PRKN: variants seen among roughly 807,000 people sequenced by gnomAD.
The protein encoded by PRKN is parkin RBR E3 ubiquitin protein ligase, also known as E3 ubiquitin-protein ligase parkin.
A neutral mutation model predicts 59.5 loss-of-function variants in PRKN; 56 were observed. The ratio of observed to expected loss-of-function variants is 0.94; its 90% CI spans 0.76 to 1.18. The LOEUF (loss-of-function observed/expected upper bound fraction) is 1.18, where lower values mean the gene tolerates loss of function less well. Ranked by LOEUF, PRKN falls within the 50% of genes most tolerant of loss-of-function variation. The pLI is 0.00. For missense variants in PRKN, 657 were observed against 596.4 expected (o/e 1.10, Z -1.06); for synonymous variants, 250 against 222.1 (o/e 1.13, Z -1.12).
In PRKN at chr6:161,744,853, C is replaced by T. The variant is rs371448324; in HGVS notation, c.871+40919G>A. Among the ~76,000 whole-genome samples, 39 of 152,338 alleles carry T rather than the reference C, an allele frequency of 2.6e-4. 1 individual carries two copies. In the South Asian group the frequency reaches 3.9e-3, roughly 15 times the overall value. ...GCATTTGGAATCACTCATTTAATTACGGTGATAGATGCCAGCAGCAGCTCC... is the reference window on the plus strand; with the variant it reads ...GCATTTGGAATCACTCATTTAATTATGGTGATAGATGCCAGCAGCAGCTCC... On this transcript the variant is annotated intron_variant, in intron 7 of 11. Coordinates refer to ENST00000366898, the MANE Select transcript of PRKN (RefSeq NM_004562.3).
In PRKN at chr6:161,359,932, A is replaced by G. The variant is rs371251606; in HGVS notation, c.1285+156T>C. On this transcript the variant is annotated intron_variant, in intron 11 of 11. Coordinates refer to ENST00000366898, the MANE Select transcript of PRKN (RefSeq NM_004562.3). This position sits in a 1 kb window ranked among gnomAD's most constrained non-coding sequence, Gnocchi z 5.4. ...TAAATATTTCTGTGTAACAAAAACA[A>G]TAATAATAGTGATAATGGGTAACAT... is the stretch of plus-strand genomic sequence containing the variant. Among the ~76,000 whole-genome samples, 8 of 152,352 alleles carry G rather than the reference A, an allele frequency of 5.3e-5. No homozygotes were observed. The East Asian group carries it at 9.7e-4, about 18-fold the overall frequency.
chr6:162,310,543 A>G (rs1328991992), intron 2 of PRKN, among the ~76,000 whole-genome samples: 2 of 151,536 alleles, frequency 1.3e-5, no homozygotes, highest in East Asian at 3.9e-4. Context: ...GACCTCCAGA[A>G]GTCTAAAGGA....
At chr6:162,362,899 C>T (rs1159422521) in intron 2 of PRKN, among the ~76,000 whole-genome samples, 3 of 151,720 alleles carry the variant, frequency 2.0e-5, no homozygotes, top group Non-Finnish European at 2.9e-5. Flanking sequence ...GAGGCTGAGG[C>T]GGGTGGATCA....
In PRKN at chr6:161,372,825, A is replaced by ATTTTTTT. The variant is rs11293379; in HGVS notation, c.1168-12627_1168-12621dup. Among the ~76,000 whole-genome samples the ATTTTTTT allele has an allele frequency of 1.7e-5, 2 of 114,440 alleles. No individual in the cohort carries two copies. Among genetic ancestry groups the ATTTTTTT allele is most frequent in the African/African-American group, 3.4e-5 (1 of 29,568 alleles). 75.1% of individuals were successfully genotyped at this position (114,440 alleles called of 152,430 possible). A position where few individuals can be genotyped will look rare whatever the true frequency, so the allele number is the denominator to read the frequency against. On this transcript the variant is annotated intron_variant, in intron 10 of 11. Transcript: ENST00000366898. This position sits in a 1 kb window ranked among gnomAD's most constrained non-coding sequence, Gnocchi z 4.2. The stretch of plus-strand genomic sequence containing the variant: ...TGGTCAACAAAGACAGAGAGACCCT[A>ATTTTTTT]TTTTTTTTTTTTTTTTTTTTTTGAG...
At chr6:162,716,786 GCACA>G (rs67307025) in intron 1 of PRKN, among the ~76,000 whole-genome samples, 304 of 148,776 alleles carry the variant, frequency 2.0e-3, no homozygotes, top group African/African-American at 4.8e-3. Flanking sequence ...ACACACACGC[GCACA>G]CACACACACA....
At chr6:162,327,785 G>A (rs1221722663) in intron 2 of PRKN, among the ~76,000 whole-genome samples, 1 of 152,138 alleles carries the variant, frequency 6.6e-6, no homozygotes, top group Non-Finnish European at 1.5e-5. Flanking sequence ...TATGATTTTT[G>A]GAAGTGTTTC....
intron 4 of PRKN, among the ~76,000 whole-genome samples, chr6:162,188,166 C>T (rs151239229): frequency 3.0e-4 from 45 of 152,248 alleles, no homozygotes; most frequent in Non-Finnish European, 4.6e-4. Flanking sequence ...CCTCCCCAGC[C>T]GTGTGGAACT....
chr6:161,598,398 A>T (rs1428036812), intron 7 of PRKN, among the ~76,000 whole-genome samples: 2 of 152,192 alleles, frequency 1.3e-5, no homozygotes, highest in Non-Finnish European at 2.9e-5. Flanking sequence ...ATTATAAGAG[A>T]GAGAAAAGAC....
chr6:161,956,631 C>G (rs1403325242), intron 6 of PRKN, among the ~76,000 whole-genome samples: 1 of 152,090 alleles, frequency 6.6e-6, no homozygotes, highest in Non-Finnish European at 1.5e-5. Context: ...AATAAATGTT[C>G]TGAAATTTAT....
intron 1 of PRKN, among the ~76,000 whole-genome samples, chr6:162,690,763 C>G (rs1421620612): frequency 6.6e-6 from 1 of 152,116 alleles, no homozygotes; most frequent in Non-Finnish European, 1.5e-5. Flanking sequence ...CTTTAAGATA[C>G]TAACTAGGTC....
chr6:161,407,510 T>A lies in PRKN; in HGVS notation c.1084-20633A>T, dbSNP rs1282680920. On this transcript the variant is annotated intron_variant, in intron 9 of 11. Coordinates refer to ENST00000366898, the MANE Select transcript of PRKN (RefSeq NM_004562.3). The surrounding 1 kb of genome is among the most constrained non-coding windows in gnomAD (Gnocchi z 4.9). ...AAGAAAAGCTCCATCATACTACCAT[T>A]GTAAACATCCACATCAATTTACAAT... Among the ~76,000 whole-genome samples, 1 of 152,136 alleles carries A rather than the reference T, an allele frequency of 6.6e-6. No homozygotes were observed. Among genetic ancestry groups the A allele is most frequent in the Non-Finnish European group, 1.5e-5 (1 of 68,036 alleles).
chr6:161,869,389 T>C (rs1358050585), intron 6 of PRKN, among the ~76,000 whole-genome samples: 2 of 149,804 alleles, frequency 1.3e-5, no homozygotes, highest in Admixed American at 6.6e-5. Flanking sequence ...AAATAAAAAA[T>C]AAAAATAAAA....
chr6:162,097,252 A>T (rs142214238), intron 4 of PRKN, among the ~76,000 whole-genome samples: 292 of 152,282 alleles, frequency 1.9e-3, no homozygotes, highest in Middle Eastern at 0.014. Flanking sequence ...TGTCTGTCAA[A>T]ATATAGCTAA....
At chr6:162,650,361 G>A (rs1778372019) in intron 1 of PRKN, among the ~76,000 whole-genome samples, 1 of 151,950 alleles carries the variant, frequency 6.6e-6, no homozygotes, top group African/African-American at 2.4e-5. Context: ...ACTTTGGGAG[G>A]CCGAGGCGGG....
chr6:162,305,397 A>C (rs539004973), intron 2 of PRKN, among the ~76,000 whole-genome samples: 55 of 148,584 alleles, frequency 3.7e-4, no homozygotes, highest in African/African-American at 1.3e-3. Flanking sequence ...TTTTTAAAAA[A>C]ATTATCATTG....
rs1048329463 is a variant in PRKN, at chr6:161,413,435, C to T, written c.1084-26558G>A. On this transcript the variant is annotated intron_variant, in intron 9 of 11. Transcript: ENST00000366898. The surrounding 1 kb of genome is among the most constrained non-coding windows in gnomAD (Gnocchi z 4.4). ...CGCCAGTGCATCAACACAGAGTAAC[C>T]GAATACATCAGAGAGGACATAGGGA... Among the ~76,000 whole-genome samples, 2 of 152,164 alleles carry T rather than the reference C, an allele frequency of 1.3e-5. No homozygotes were observed. The highest frequency in any genetic ancestry group is 2.9e-5 in the Non-Finnish European group (2 of 68,036).
intron 6 of PRKN, among the ~76,000 whole-genome samples, chr6:161,957,116 G>A (rs1056247834): frequency 1.3e-5 from 2 of 152,208 alleles, no homozygotes; most frequent in Non-Finnish European, 1.5e-5. Flanking sequence ...ACTGTCATAC[G>A]TGTAAAGTCT....
chr6:161,483,393 G>A lies in PRKN; in HGVS notation c.1083+65461C>T, dbSNP rs1213758770. Among the ~76,000 whole-genome samples the A allele has an allele frequency of 6.6e-6, 1 of 152,162 alleles. No homozygotes were observed. Among genetic ancestry groups the A allele is most frequent in the Non-Finnish European group, 1.5e-5 (1 of 68,020 alleles). On this transcript the variant is annotated intron_variant, in intron 9 of 11. Coordinates refer to ENST00000366898, the MANE Select transcript of PRKN (RefSeq NM_004562.3). This position sits in a 1 kb window ranked among gnomAD's most constrained non-coding sequence, Gnocchi z 5.0. ...AAATCCATGATAAAGATTGAGCGTG[G>A]TTGAAAGGCTTGTCATGCGTAAGTG...
intron 1 of PRKN, among the ~76,000 whole-genome samples, chr6:162,711,811 A>G (rs1040621976): frequency 2.0e-5 from 3 of 152,232 alleles, no homozygotes; most frequent in Non-Finnish European, 2.9e-5. Flanking sequence ...AACAGCTATT[A>G]TCATTGACAA....
Sources: allele counts gnomAD v4.1 joint callset (sites outside exome capture counted in the v4.1 genomes callset), GRCh38; gene constraint gnomAD v4.1.1; non-coding constraint Gnocchi (gnomAD v3.1); transcripts MANE v1.5; gene names NCBI Gene and HGNC (gene_info 2026-07-23, HGNC 2026-07-21).